Variants in SCNN1A observed in about 807,000 individuals in gnomAD.
SCNN1A encodes the protein epithelial sodium channel subunit alpha.
A neutral mutation model predicts 68.6 loss-of-function variants in SCNN1A; 65 were observed. The observed-to-expected ratio is 0.95, with a 90% CI of 0.78 to 1.16. The LOEUF is 1.16. SCNN1A is among the 50% of genes most tolerant of loss of function. SCNN1A has a pLI of 0.00. For missense variants in SCNN1A, 880 were observed against 865.9 expected (o/e 1.02, Z -0.20); for synonymous variants, 357 against 353.3 (o/e 1.01, Z -0.12).
At chr12:6,373,856 C>G (rs1312842828) in intron 2 of SCNN1A, among the ~76,000 whole-genome samples, 2 of 152,192 alleles carry the variant, frequency 1.3e-5, no homozygotes, top group African/African-American at 4.8e-5. Flanking sequence ...CACGATCCCC[C>G]TCTTTGCTTT....
Position 6,355,757 on chromosome 12 carries a change from G to A in SCNN1A, c.979+20C>T. ...TGGCTGAAGCAGAGGGCGCCATGGA[G>A]CAAGCAGGGAGCTTCTCACCGTTGT... On this transcript the variant is annotated intron_variant, in intron 5 of 12. Coordinates refer to ENST00000228916, the MANE Select transcript of SCNN1A (RefSeq NM_001038.6). 1 of 1,535,348 alleles carries A rather than the reference G, an allele frequency of 6.5e-7. No homozygotes were observed. The highest frequency in any genetic ancestry group is 1.4e-5 in the African/African-American group (1 of 73,320).
intron 2 of SCNN1A, among the ~76,000 whole-genome samples, chr12:6,369,084 C>T (rs982228856): frequency 1.3e-5 from 2 of 152,150 alleles, no homozygotes; most frequent in Non-Finnish European, 2.9e-5. Context: ...ATTTCCACCA[C>T]ATCCTGGCTG....
chr12:6,363,155 AT>A (rs1183401259), intron 3 of SCNN1A, among the ~76,000 whole-genome samples: 49 of 150,966 alleles, frequency 3.2e-4, no homozygotes, highest in African/African-American at 1.2e-3. Flanking sequence ...AATAATAATA[AT>A]AATAAAAGTT....
intron 4 of SCNN1A, among the ~76,000 whole-genome samples, chr12:6,361,454 C>A (rs960145167): frequency 5.9e-5 from 9 of 152,052 alleles, no homozygotes; most frequent in Admixed American, 2.6e-4. Flanking sequence ...AAGACCAAGA[C>A]CCTGGCCAGG....
In SCNN1A at chr12:6,354,461, TCA is replaced by T; in HGVS notation, c.1335_1336del (p.Cys445Ter). The T allele has an allele frequency of 6.2e-7, 1 of 1,612,248 alleles. No homozygotes were observed. Among genetic ancestry groups the T allele is most frequent in the Non-Finnish European group, 8.5e-7 (1 of 1,179,306 alleles). On this transcript the variant is annotated stop_gained and frameshift_variant, in exon 8 of 13. Transcript: ENST00000228916. LOFTEE classifies it high-confidence loss of function. Reference sequence around the variant, plus strand: ...ACCCCAGGAACTGTGCTTTCTGTAGTCACAGTACTCCACGTTCTGGGGCCGCG... The same window carrying T: ...ACCCCAGGAACTGTGCTTTCTGTAGTCAGTACTCCACGTTCTGGGGCCGCG...
Position 6,347,989 on chromosome 12 carries a change from C to G in SCNN1A, c.1894G>C (p.Ala632Pro), listed in dbSNP as rs749467368. 1 of 1,572,906 alleles carries G rather than the reference C, an allele frequency of 6.4e-7. No homozygotes were observed. Among genetic ancestry groups the G allele is most frequent in the Non-Finnish European group, 8.6e-7 (1 of 1,156,540 alleles). ...GGGGCTGTCAAGGCTGGAGAGGGAG[C>G]AGGGCCTGGCTGGGACAAGGACAGA... is the stretch of plus-strand genomic sequence containing the variant. ...MSLSLSQPGP[A>P]PSPALTAPPP... The change falls in exon 13 of 13, where the codon GCT (alanine) becomes CCT (proline). Residue 632 changes from alanine to proline, a missense_variant. Transcript: ENST00000228916.
chr12:6,377,220 A>G (rs7978675), upstream of SCNN1A: 3 of 1,539,714 alleles, frequency 1.9e-6, no homozygotes, highest in Admixed American at 4.0e-5. Context: ...GCCGGTGTCA[A>G]CCAGGATTCC....
intron 2 of SCNN1A, among the ~76,000 whole-genome samples, chr12:6,365,869 A>G (rs1333131130): frequency 1.3e-5 from 2 of 148,878 alleles, no homozygotes; most frequent in Non-Finnish European, 3.0e-5. Flanking sequence ...ACAGACCTAC[A>G]TTTTTTTTTT....
intron 2 of SCNN1A, among the ~76,000 whole-genome samples, chr12:6,371,228 G>A (rs1249086682): frequency 6.6e-6 from 1 of 152,008 alleles, no homozygotes; most frequent in Non-Finnish European, 1.5e-5. Flanking sequence ...CTCGGTAGGA[G>A]TCATTCACTG....
At position 6,355,271 on chromosome 12, in the gene SCNN1A, C is replaced by A. The variant is rs756750433; in HGVS notation, c.1143+1G>T. ...CCAGGCCTCCCAGTCAGCATCCTTGCCTTCCTCATGCTGATGGAGGTCTCC... is the reference window on the plus strand; with the variant it reads ...CCAGGCCTCCCAGTCAGCATCCTTGACTTCCTCATGCTGATGGAGGTCTCC... On this transcript the variant is annotated splice_donor_variant, in intron 6 of 12. Transcript: ENST00000228916. LOFTEE classifies it high-confidence loss of function. The A allele has an allele frequency of 6.2e-7, 1 of 1,612,148 alleles. No individual in the cohort carries two copies. The highest frequency in any genetic ancestry group is 1.3e-5 in the African/African-American group (1 of 74,864).
intron 8 of SCNN1A, among the ~76,000 whole-genome samples, chr12:6,353,195 G>A (rs1437091540): frequency 6.6e-6 from 1 of 152,050 alleles, no homozygotes; most frequent in Non-Finnish European, 1.5e-5. Context: ...AGATTCCAAG[G>A]TGCTCCAAAC....
chr12:6,366,980 T>A (rs968586856), intron 2 of SCNN1A, among the ~76,000 whole-genome samples: 1 of 152,212 alleles, frequency 6.6e-6, no homozygotes, highest in African/African-American at 2.4e-5. Flanking sequence ...GGCTCACACC[T>A]GTAATTCCAG....
At chr12:6,367,211 C>T (rs1314465616) in intron 2 of SCNN1A, among the ~76,000 whole-genome samples, 2 of 152,104 alleles carry the variant, frequency 1.3e-5, no homozygotes, top group Non-Finnish European at 2.9e-5. Flanking sequence ...ACACTCCAGC[C>T]TGGGCAACAG....
In SCNN1A at chr12:6,375,539, C is replaced by T. The variant is rs1450920095; in HGVS notation, c.-89G>A. On this transcript the variant is annotated 5_prime_UTR_variant, in exon 1 of 13. Coordinates refer to ENST00000228916, the MANE Select transcript of SCNN1A (RefSeq NM_001038.6). ...GCAGCGGCCTGGCTGGGGAGCCCGC[C>T]CGCTGGCCGGCCAGGGATGGAAGCG... is the stretch of plus-strand genomic sequence containing the variant. 7.2e-6 allele frequency: 11 copies of T among 1,535,194 alleles called. No homozygotes were observed. The highest frequency in any genetic ancestry group is 9.6e-6 in the Non-Finnish European group (11 of 1,146,708).
chr12:6,375,240 C>T, intron 1 of SCNN1A: 4 of 1,439,926 alleles, frequency 2.8e-6, no homozygotes, highest in Non-Finnish European at 3.6e-6. Flanking sequence ...TGGGTCTCTC[C>T]TGCTCTCCTC....
chr12:6,365,079 G>A (rs903391625), intron 2 of SCNN1A, among the ~76,000 whole-genome samples: 2 of 149,308 alleles, frequency 1.3e-5, no homozygotes, highest in African/African-American at 2.5e-5. Context: ...CTGGGGTGCA[G>A]TGACACAATC....
Position 6,349,407 on chromosome 12 carries a change from T to G in SCNN1A, c.1361-2A>C. 6.3e-7 allele frequency: 1 copy of G among 1,578,936 alleles called. No homozygotes were observed. Among genetic ancestry groups the G allele is most frequent in the Non-Finnish European group, 8.6e-7 (1 of 1,160,952 alleles). On this transcript the variant is annotated splice_acceptor_variant, in intron 8 of 12. Coordinates refer to ENST00000228916, the MANE Select transcript of SCNN1A (RefSeq NM_001038.6). LOFTEE classifies it high-confidence loss of function. ...CCTGGAGCTTATAGTAGCAGTACCC[T>G]GTGGGTACAGAGAGATGCCTGTTCT...
rs1948356840 is a variant in SCNN1A at position 6,350,200 on chromosome 12, A to C, written c.1361-795T>G. 2.0e-5 allele frequency among the ~76,000 whole-genome samples: 3 copies of C among 150,604 alleles called. No individual in the cohort carries two copies. The South Asian group carries it at 6.3e-4, about 32-fold the overall frequency. On this transcript the variant is annotated intron_variant, in intron 8 of 12. Transcript: ENST00000228916. ...GTAATCCCAGCACTTTGGGAGGCCG[A>C]GGCGGGTGGATCACGAGGTCAAGAG...
intron 4 of SCNN1A, among the ~76,000 whole-genome samples, chr12:6,358,004 GA>G (rs199644972): frequency 2.0e-5 from 3 of 150,406 alleles, no homozygotes; most frequent in Non-Finnish European, 4.4e-5. Context: ...GTCTCCAAAA[GA>G]AAAAAAAAGA....
Sources: gnomAD v4.1 joint callset for allele counts (sites outside exome capture counted in the v4.1 genomes callset) on GRCh38, gnomAD v4.1.1 for gene constraint, MANE v1.5 for transcripts, NCBI Gene and HGNC (gene_info 2026-07-23, HGNC 2026-07-21) for gene names.